Variants in TP53BP1 observed in about 807,000 individuals in gnomAD.
TP53BP1 encodes TP53-binding protein 1.
In TP53BP1, 61 loss-of-function variants were observed where a neutral mutation model predicts 200.8. The ratio of observed to expected loss-of-function variants is 0.30; its 90% confidence interval spans 0.25 to 0.38. The LOEUF (loss-of-function observed/expected upper bound fraction) is 0.38, where lower values mean the gene tolerates loss of function less well. TP53BP1 is among the 10% of genes least tolerant of loss of function. The pLI is 1.00. For missense variants in TP53BP1, 2,144 were observed against 2,371.9 expected, an observed-to-expected ratio of 0.90 and a Z score of 2.00; for synonymous variants, 822 against 844.3, an observed-to-expected ratio of 0.97 and a Z score of 0.46.
chr15:43,472,249 G>T lies in TP53BP1; in HGVS notation c.1181-2183C>A, dbSNP rs765671797. ...ACCTCCTTCTTAGGATGTTTGTGAG[G>T]ATTCAATGAGAAAAACCACAGAAAT... On this transcript the variant is annotated intron_variant, in intron 10 of 27. Coordinates refer to ENST00000382044, the MANE Select transcript of TP53BP1 (RefSeq NM_001141980.3). Among the ~76,000 whole-genome samples, 25 of 152,290 alleles carry T rather than the reference G, an allele frequency of 1.6e-4. 1 individual carries two copies. Among genetic ancestry groups the T allele is most frequent in the Non-Finnish European group, 3.5e-4 (24 of 68,032 alleles).
At chr15:43,441,503 A>T (rs201824680) in intron 15 of TP53BP1, 23 bp downstream of exon 15, 7 of 1,570,374 alleles carry the variant, frequency 4.5e-6, no homozygotes, top group Non-Finnish European at 4.4e-6. Flanking sequence ...ATTAAACTCT[A>T]AATAGCATCC....
rs765979855 is a variant in TP53BP1 at position 43,420,269 on chromosome 15, C to CA, written c.4681+35dup. On this transcript the variant is annotated intron_variant, in intron 21 of 27. Transcript: ENST00000382044. Reference sequence around the variant, plus strand: ...AACAGAGTATTATTGCCCCAAGGCACAAAAAAATCTCTACAAACTCTGCTT... The same window carrying CA: ...AACAGAGTATTATTGCCCCAAGGCACAAAAAAAATCTCTACAAACTCTGCTT... 6.9e-6 allele frequency: 11 copies of CA among 1,590,034 alleles called. No individual in the cohort carries two copies. In the South Asian group the frequency reaches 1.0e-4, roughly 15 times the overall value.
intron 13 of TP53BP1, chr15:43,446,800 C>T: frequency 6.7e-7 from 1 of 1,499,900 alleles, no homozygotes; most frequent in Admixed American, 2.1e-5. Context: ...TTCAGTTCCA[C>T]TTCTGCATCT....
At chr15:43,428,195 C>G (rs1191808993) in intron 17 of TP53BP1, 27 bp from the exon 18 acceptor site, 2 of 1,603,764 alleles carry the variant, frequency 1.2e-6, no homozygotes, top group Admixed American at 1.7e-5. Flanking sequence ...AGAACATAAG[C>G]ACAGGTCTCA....
intron 12 of TP53BP1, among the ~76,000 whole-genome samples, chr15:43,448,869 G>A (rs991604318): frequency 1.6e-4 from 25 of 152,216 alleles, no homozygotes; most frequent in African/African-American, 5.8e-4. Context: ...GCTCATGCCT[G>A]TAATCCCAAC....
intron 15 of TP53BP1, among the ~76,000 whole-genome samples, chr15:43,440,876 A>G (rs1328841497): frequency 1.3e-5 from 2 of 152,176 alleles, no homozygotes; most frequent in African/African-American, 4.8e-5. Flanking sequence ...GCAACAGAGC[A>G]AGATTCTGTC....
intron 26 of TP53BP1, 48 bp from the exon 27 acceptor site, chr15:43,408,136 C>A: frequency 1.3e-6 from 2 of 1,584,454 alleles, no homozygotes; most frequent in Non-Finnish European, 1.7e-6. Flanking sequence ...TAATATCCAA[C>A]AAACTGCCTT....
At chr15:43,485,868 C>T (rs2079040121) in intron 4 of TP53BP1, among the ~76,000 whole-genome samples, 1 of 151,776 alleles carries the variant, frequency 6.6e-6, no homozygotes, top group South Asian at 2.1e-4. Flanking sequence ...AGAAAATACT[C>T]AAAAAAATTT....
chr15:43,432,803 G>A, intron 16 of TP53BP1, 126 bp from the exon 17 acceptor site: 2 of 1,054,396 alleles, frequency 1.9e-6, no homozygotes, highest in Non-Finnish European at 1.3e-6. Flanking sequence ...TTTGAGAAAT[G>A]TAAGGAAGGG....
At chr15:43,430,951 T>G (rs2045654374) in intron 17 of TP53BP1, among the ~76,000 whole-genome samples, 1 of 152,118 alleles carries the variant, frequency 6.6e-6, no homozygotes, top group Non-Finnish European at 1.5e-5. Flanking sequence ...TCTGGCATAT[T>G]CAGATTGCCG....
chr15:43,438,071 C>T (rs1184425501), intron 16 of TP53BP1, among the ~76,000 whole-genome samples: 1 of 152,230 alleles, frequency 6.6e-6, no homozygotes, highest in Non-Finnish European at 1.5e-5. Context: ...TTAACCCATG[C>T]TCACGGCAAC....
intron 1 of TP53BP1, among the ~76,000 whole-genome samples, chr15:43,500,731 G>GA (rs1441694720): frequency 6.6e-6 from 1 of 152,164 alleles, no homozygotes; most frequent in Non-Finnish European, 1.5e-5. Flanking sequence ...TGAGGCAGGA[G>GA]AATCACTTGA....
At chr15:43,433,893 AG>A (rs2142999072) in intron 16 of TP53BP1, among the ~76,000 whole-genome samples, 1 of 152,336 alleles carries the variant, frequency 6.6e-6, no homozygotes, top group Non-Finnish European at 1.5e-5. Flanking sequence ...TCTTATCCTT[AG>A]GATCTCAGCT....
chr15:43,492,930 C>T, intron 1 of TP53BP1, 107 bp downstream of exon 1: 3 of 1,345,506 alleles, frequency 2.2e-6, no homozygotes, highest in Non-Finnish European at 3.1e-6. Context: ...CCTTCCCCGT[C>T]ACCGCCGCCA....
At chr15:43,459,794 T>C (rs914690835) in intron 11 of TP53BP1, among the ~76,000 whole-genome samples, 5 of 152,144 alleles carry the variant, frequency 3.3e-5, no homozygotes, top group Non-Finnish European at 4.4e-5. Context: ...GCCTCCCAAG[T>C]AGCTGGGAAT....
chr15:43,441,231 G>A (rs1050377308), intron 15 of TP53BP1: 4 of 267,668 alleles, frequency 1.5e-5, no homozygotes, highest in African/African-American at 8.8e-5. Flanking sequence ...CAACAATCCT[G>A]AGATTGTGGA....
intron 9 of TP53BP1, 60 bp downstream of exon 9, chr15:43,475,505 C>A: frequency 6.3e-7 from 1 of 1,589,950 alleles, no homozygotes; most frequent in Non-Finnish European, 8.6e-7. Flanking sequence ...CTCTTTCAGC[C>A]TTAGCCTAAG....
chr15:43,460,550 C>A (rs1038233604), intron 11 of TP53BP1, among the ~76,000 whole-genome samples: 1 of 152,206 alleles, frequency 6.6e-6, no homozygotes, highest in Admixed American at 6.5e-5. Flanking sequence ...TGAGCCACCA[C>A]GCTCAGGCTT....
chr15:43,506,276 G>A (rs1407262703), intron 1 of TP53BP1, among the ~76,000 whole-genome samples: 1 of 152,076 alleles, frequency 6.6e-6, no homozygotes, highest in Admixed American at 6.5e-5. Context: ...TGCCAAATAT[G>A]AAATTATTTC....
Sources: gnomAD v4.1 joint callset for allele counts (sites outside exome capture counted in the v4.1 genomes callset) on GRCh38, gnomAD v4.1.1 for gene constraint, MANE v1.5 for transcripts, NCBI Gene and HGNC (gene_info 2026-07-23, HGNC 2026-07-21) for gene names.